Variants in PCDHA6 observed in about 807,000 individuals in gnomAD.
PCDHA6 encodes protocadherin alpha-6.
Under a neutral mutation model 60.3 loss-of-function variants are expected in PCDHA6, and 55 were observed. The ratio of observed to expected loss-of-function variants is 0.91; its 90% confidence interval spans 0.73 to 1.14. The LOEUF is 1.14. Among genes scored for constraint, PCDHA6 ranks in the 50% most tolerant of loss-of-function variants. The probability of loss-of-function intolerance (pLI) is 0.00; values close to 1 mark genes in which losing one functional copy is unlikely to be tolerated. For synonymous variants in PCDHA6, 652 were observed against 557.9 expected, an observed-to-expected ratio of 1.17 and a Z score of -2.38; for missense variants, 1,327 against 1,256.5, an observed-to-expected ratio of 1.06 and a Z score of -0.85.
chr5:140,985,346 A>G (rs2097147411), intron 3 of PCDHA6, among the ~76,000 whole-genome samples: 1 of 152,186 alleles, frequency 6.6e-6, no homozygotes, highest in African/African-American at 2.4e-5. Flanking sequence ...GCAGGCCCAG[A>G]TATAGACCCT....
intron 1 of PCDHA6, among the ~76,000 whole-genome samples, chr5:140,911,856 T>C (rs1252396387): frequency 6.6e-6 from 1 of 152,184 alleles, no homozygotes; most frequent in Non-Finnish European, 1.5e-5. Context: ...TCCTTAATAG[T>C]CTGTTCTTCT....
At chr5:140,842,966 G>A (rs1481565497) in intron 1 of PCDHA6, 7 of 1,595,016 alleles carry the variant, frequency 4.4e-6, no homozygotes, top group East Asian at 2.2e-5. Context: ...GGGCAGCAAC[G>A]TGACGCTGCA....
At chr5:140,874,144 T>C (rs1554167057) in intron 1 of PCDHA6, among the ~76,000 whole-genome samples, 2 of 152,244 alleles carry the variant, frequency 1.3e-5, no homozygotes. Context: ...CTTATACTTG[T>C]AGAGCCATTC....
intron 1 of PCDHA6, among the ~76,000 whole-genome samples, chr5:140,901,786 T>C (rs2068901288): frequency 6.6e-6 from 1 of 152,242 alleles, no homozygotes; most frequent in South Asian, 2.1e-4. Context: ...TAGATTACTT[T>C]GGGTAGTATG....
At chr5:140,941,901 GA>G (rs782298792) in intron 1 of PCDHA6, among the ~76,000 whole-genome samples, 1 of 152,130 alleles carries the variant, frequency 6.6e-6, no homozygotes, top group African/African-American at 2.4e-5. Context: ...AAGTAACATT[GA>G]AATGCTTTTA....
chr5:140,894,670 C>T (rs971891585), intron 1 of PCDHA6, among the ~76,000 whole-genome samples: 2 of 151,580 alleles, frequency 1.3e-5, no homozygotes, highest in African/African-American at 4.8e-5. Flanking sequence ...TTTGTGTATT[C>T]TTGCATAGCT....
Position 140,858,578 on chromosome 5 carries a change from A to T in PCDHA6, c.2394+28093A>T. On this transcript the variant is annotated intron_variant, in intron 1 of 3. Coordinates refer to ENST00000529310, the MANE Select transcript of PCDHA6 (RefSeq NM_018909.4). ...GAATATTTCTAGTGATACCTTTGTA[A>T]TATAATTTATTCCAGGAGTTTTAAA... 3 of 1,350,438 alleles carry T rather than the reference A, an allele frequency of 2.2e-6. No homozygotes were observed. The South Asian group carries it at 4.1e-5, about 18-fold the overall frequency. 83.7% of individuals were successfully genotyped at this position (1,350,438 alleles called of 1,614,324 possible). A position where few individuals can be genotyped will look rare whatever the true frequency, so the allele number is the denominator to read the frequency against.
chr5:140,927,042 G>T (rs548394870), intron 1 of PCDHA6: 7 of 1,612,270 alleles, frequency 4.3e-6, no homozygotes, highest in Non-Finnish European at 4.2e-6. Context: ...CGGCCGCTAT[G>T]TCCTCGCGGA....
chr5:140,927,308 C>T (rs782694957), intron 1 of PCDHA6: 3 of 1,614,186 alleles, frequency 1.9e-6, no homozygotes, highest in Non-Finnish European at 2.5e-6. Flanking sequence ...TTCCTGACGC[C>T]CGGAGCCCGC....
At chr5:140,928,374 C>A in intron 1 of PCDHA6, 1 of 1,614,172 alleles carries the variant, frequency 6.2e-7, no homozygotes, top group Non-Finnish European at 8.5e-7. Context: ...GGCCATCAGC[C>A]TCTAGCTTGC....
chr5:140,849,948 CAGG>C (rs1562462413), intron 1 of PCDHA6: 1 of 1,597,844 alleles, frequency 6.3e-7, no homozygotes, highest in Admixed American at 1.7e-5. Flanking sequence ...CGCTGACGCG[CAGG>C]AGAACGCCCT....
intron 1 of PCDHA6, among the ~76,000 whole-genome samples, chr5:140,952,641 G>T (rs1033672347): frequency 1.3e-5 from 2 of 152,102 alleles, no homozygotes; most frequent in Non-Finnish European, 2.9e-5. Flanking sequence ...TCCAACCTGT[G>T]CCTGGTTACC....
At chr5:140,885,809 T>G (rs1208963596) in intron 1 of PCDHA6, among the ~76,000 whole-genome samples, 1 of 152,320 alleles carries the variant, frequency 6.6e-6, no homozygotes, top group African/African-American at 2.4e-5. Flanking sequence ...ATTTTGTTGA[T>G]TTGTATTTGA....
At position 140,832,752 on chromosome 5, in the gene PCDHA6, A is replaced by T. The variant is rs2150203756; in HGVS notation, c.2394+2267A>T. Among the ~76,000 whole-genome samples the T allele has an allele frequency of 2.0e-5, 3 of 152,322 alleles. No individual in the cohort carries two copies. In the East Asian group the frequency reaches 5.8e-4, roughly 29 times the overall value. ...ATCCTACATAAATACGATGATAGTA[A>T]AAGCAAGAATATTGTAAGAGGTGCT... is the stretch of plus-strand genomic sequence containing the variant. On this transcript the variant is annotated intron_variant, in intron 1 of 3. Coordinates refer to ENST00000529310, the MANE Select transcript of PCDHA6 (RefSeq NM_018909.4).
intron 1 of PCDHA6, among the ~76,000 whole-genome samples, chr5:140,833,040 A>T (rs1043958176): frequency 3.9e-5 from 6 of 152,216 alleles, no homozygotes; most frequent in Non-Finnish European, 8.8e-5. Context: ...TGTGATATAA[A>T]GCAAGAAAAG....
At chr5:140,908,706 T>C (rs2074108716) in intron 1 of PCDHA6, among the ~76,000 whole-genome samples, 1 of 152,132 alleles carries the variant, frequency 6.6e-6, no homozygotes, top group South Asian at 2.1e-4. Context: ...TCAAGCACCA[T>C]TGGATCTGCT....
chr5:140,929,124 C>A (rs2085843450), intron 1 of PCDHA6: 5 of 1,614,048 alleles, frequency 3.1e-6, no homozygotes, highest in Admixed American at 3.3e-5. Context: ...CCATAGATGT[C>A]ACTACAGTTG....
intron 1 of PCDHA6, chr5:140,966,476 C>G: frequency 2.3e-6 from 1 of 432,972 alleles, no homozygotes; most frequent in Non-Finnish European, 4.0e-6. Flanking sequence ...CTTCTGTTTC[C>G]TTTTCCCTCC....
intron 1 of PCDHA6, chr5:140,871,328 G>A (rs374687707): frequency 6.2e-7 from 1 of 1,614,128 alleles, no homozygotes; most frequent in Admixed American, 1.7e-5. Flanking sequence ...GTGTGCTCCC[G>A]CGCGGTGGGG....
Sources: gnomAD v4.1 joint callset for allele counts (sites outside exome capture counted in the v4.1 genomes callset) on GRCh38, gnomAD v4.1.1 for gene constraint, MANE v1.5 for transcripts, NCBI Gene and HGNC (gene_info 2026-07-23, HGNC 2026-07-21) for gene names.